The following BLTP3A variants were observed in gnomAD, a reference collection of about 807,000 sequenced individuals.
The protein encoded by BLTP3A is ICBP90 binding protein 1.
chr6:34,862,176 G>A, the BLTP3A span, among the ~76,000 whole-genome samples: 1 of 151,278 alleles, frequency 6.6e-6, no homozygotes, highest in East Asian at 2.0e-4. Flanking sequence ...CAGGAGATGA[G>A]ACCATCCTGA....
At chr6:34,858,346 C>CT in the BLTP3A span, 1 of 1,614,122 alleles carries the variant, frequency 6.2e-7, no homozygotes, top group Non-Finnish European at 8.5e-7. Flanking sequence ...TCTGCACATG[C>CT]TTTTTTTGCA....
the BLTP3A span, among the ~76,000 whole-genome samples, chr6:34,814,190 T>A: frequency 6.6e-6 from 1 of 152,206 alleles, no homozygotes; most frequent in South Asian, 2.1e-4. Context: ...AGTCTTTGTA[T>A]TTTTAGTAGA....
the BLTP3A span, among the ~76,000 whole-genome samples, chr6:34,841,714 G>C: frequency 6.6e-6 from 1 of 152,056 alleles, no homozygotes; most frequent in African/African-American, 2.4e-5. Flanking sequence ...GGTTCATTGG[G>C]GTCAGCACTG....
chr6:34,821,419 T>TCG, the BLTP3A span: 1 of 466,200 alleles, frequency 2.1e-6, no homozygotes, highest in Non-Finnish European at 3.9e-6. Flanking sequence ...GGTGTAGAGA[T>TCG]GGTGTGGTCT....
the BLTP3A span, among the ~76,000 whole-genome samples, chr6:34,801,263 GT>G: frequency 6.6e-6 from 1 of 152,144 alleles, no homozygotes; most frequent in Non-Finnish European, 1.5e-5. Context: ...TTATTTCTAA[GT>G]TTGAAATTTG....
At chr6:34,834,248 G>GATCC in the BLTP3A span, 1 of 1,613,970 alleles carries the variant, frequency 6.2e-7, no homozygotes, top group Admixed American at 1.7e-5. Context: ...GGTGGTGGAA[G>GATCC]GGATGTTCAT....
the BLTP3A span, among the ~76,000 whole-genome samples, chr6:34,812,262 G>A: frequency 6.6e-6 from 1 of 151,582 alleles, no homozygotes; most frequent in South Asian, 2.1e-4. Flanking sequence ...CCAGGAGGTG[G>A]AGGTTGCAGT....
the BLTP3A span, among the ~76,000 whole-genome samples, chr6:34,797,865 C>G: frequency 1.3e-5 from 2 of 152,164 alleles, no homozygotes; most frequent in Admixed American, 1.3e-4. Flanking sequence ...AAATAACTTA[C>G]CCAAAGTTGT....
At chr6:34,814,556 G>A in the BLTP3A span, among the ~76,000 whole-genome samples, 7 of 152,326 alleles carry the variant, frequency 4.6e-5, no homozygotes, top group Non-Finnish European at 8.8e-5. Context: ...TCCTTCGAGT[G>A]CTTGAAGAAC....
chr6:34,836,089 T>C, the BLTP3A span: 4 of 1,546,506 alleles, frequency 2.6e-6, no homozygotes, highest in African/African-American at 5.5e-5. Context: ...GGACCAAAGC[T>C]TAAAGAAAGC....
At chr6:34,843,764 G>T in the BLTP3A span, among the ~76,000 whole-genome samples, 5 of 152,182 alleles carry the variant, frequency 3.3e-5, no homozygotes, top group Non-Finnish European at 5.9e-5. Context: ...ATATCCAGTA[G>T]TGGGATTGCC....
the BLTP3A span, among the ~76,000 whole-genome samples, chr6:34,845,844 G>C: frequency 6.6e-6 from 1 of 151,980 alleles, no homozygotes. Context: ...TGATCCACCA[G>C]CCTCGGCCTC....
At chr6:34,845,422 A>G in the BLTP3A span, among the ~76,000 whole-genome samples, 1 of 151,712 alleles carries the variant, frequency 6.6e-6, no homozygotes, top group Non-Finnish European at 1.5e-5. Context: ...TATCATTGGT[A>G]TCTATTTTTG....
At chr6:34,869,809 G>A in the BLTP3A span, among the ~76,000 whole-genome samples, 3 of 151,680 alleles carry the variant, frequency 2.0e-5, no homozygotes, top group Non-Finnish European at 2.9e-5. Context: ...CTGCCACCAC[G>A]CCTGACTAAT....
At chr6:34,807,360 G>A in the BLTP3A span, among the ~76,000 whole-genome samples, 14 of 152,160 alleles carry the variant, frequency 9.2e-5, no homozygotes, top group Admixed American at 3.3e-4. Context: ...TCACTGAGGA[G>A]CTCTAAGTTC....
At chr6:34,819,609 C>T in the BLTP3A span, among the ~76,000 whole-genome samples, 3 of 152,156 alleles carry the variant, frequency 2.0e-5, no homozygotes, top group African/African-American at 7.2e-5. Context: ...TCCTAAGACA[C>T]TGTCATATGA....
chr6:34,805,592 CAA>C, the BLTP3A span, among the ~76,000 whole-genome samples: 965 of 96,112 alleles, frequency 0.01, 8 homozygotes, highest in African/African-American at 0.031. Flanking sequence ...GACTTGGTCT[CAA>C]AAAAAAAAAA....
chr6:34,837,576 G>A, the BLTP3A span, among the ~76,000 whole-genome samples: 1 of 152,114 alleles, frequency 6.6e-6, no homozygotes, highest in African/African-American at 2.4e-5. Flanking sequence ...TACTCAGGAG[G>A]CTAAGGTGGG....
chr6:34,796,407 A>G, the BLTP3A span, among the ~76,000 whole-genome samples: 3 of 152,218 alleles, frequency 2.0e-5, no homozygotes, highest in Non-Finnish European at 4.4e-5. Flanking sequence ...TGCAGTGAGG[A>G]AGAAATATAA....
Sources: allele counts gnomAD v4.1 joint callset (sites outside exome capture counted in the v4.1 genomes callset), GRCh38; gene constraint gnomAD v4.1.1; transcripts MANE v1.5; gene names NCBI Gene and HGNC (gene_info 2026-07-23, HGNC 2026-07-21).